The following AFF1 variants were observed in gnomAD, a reference collection of about 807,000 sequenced individuals.
AFF1 encodes ALF transcription elongation factor 1.
Under a neutral mutation model 121.7 loss-of-function variants are expected in AFF1, and 48 were observed. That is an observed-to-expected ratio of 0.39 (90% CI 0.31 to 0.50). The LOEUF is 0.50. AFF1 is among the 20% of genes least tolerant of loss of function. The probability of loss-of-function intolerance (pLI) is 0.76; values close to 1 mark genes in which losing one functional copy is unlikely to be tolerated. For synonymous variants in AFF1, 613 were observed against 563.0 expected (o/e 1.09, Z -1.26); for missense variants, 1,523 against 1,511.7 (o/e 1.01, Z -0.12).
At chr4:87,044,688 G>C (rs972207017) in intron 2 of AFF1, among the ~76,000 whole-genome samples, 1 of 152,154 alleles carries the variant, frequency 6.6e-6, no homozygotes, top group African/African-American at 2.4e-5. Flanking sequence ...GAGGTAGTTT[G>C]TAAGAGAGTC....
intron 1 of AFF1, among the ~76,000 whole-genome samples, chr4:86,940,754 T>TA (rs1720397175): frequency 6.6e-6 from 1 of 152,020 alleles, no homozygotes; most frequent in African/African-American, 2.4e-5. Context: ...AGGGAGATTT[T>TA]ATCTTTTTTT....
rs1328538441 is a variant in AFF1 at position 87,139,899 on chromosome 4, T to G, written c.*4198T>G. The G allele has an allele frequency of 4.5e-6, 1 of 220,388 alleles. No homozygotes were observed. The highest frequency in any genetic ancestry group is 2.2e-5 in the African/African-American group (1 of 44,608). 13.7% of individuals were successfully genotyped at this position (220,388 alleles called of 1,614,324 possible). Reference sequence around the variant, plus strand: ...GAGCACTGACCATGTTCTTCAGTTCTTAATTATGGTGAGTTGACAAATACC... The same window carrying G: ...GAGCACTGACCATGTTCTTCAGTTCGTAATTATGGTGAGTTGACAAATACC... On this transcript the variant is annotated 3_prime_UTR_variant, in exon 21 of 21. Transcript: ENST00000395146.
At position 87,115,250 on chromosome 4, in the gene AFF1, C is replaced by G. The variant is rs992444291; in HGVS notation, c.2417C>G (p.Ser806Cys). The change falls in exon 12 of 21, where the codon TCT (serine) becomes TGT (cysteine). Residue 806 changes from serine (S) to cysteine (C), a missense_variant. Transcript: ENST00000395146. ...KQPPAGKKHSSEKRSSDSSSK... is the reference protein window; with the variant it reads ...KQPPAGKKHSCEKRSSDSSSK... ...CCGCCCGCAGGGAAGAAGCACAGCT[C>G]TGAGAAGAGGAGCTCAGACAGCTCA... 4.3e-6 allele frequency: 7 copies of G among 1,613,728 alleles called. No homozygotes were observed. Among genetic ancestry groups the G allele is most frequent in the Non-Finnish European group, 3.4e-6 (4 of 1,179,786 alleles).
chr4:87,127,750 A>T, intron 16 of AFF1, 47 bp downstream of exon 16: 1 of 1,588,414 alleles, frequency 6.3e-7, no homozygotes, highest in Non-Finnish European at 8.6e-7. Flanking sequence ...TTCTGATAGT[A>T]AAAAAAATTT....
At chr4:86,961,947 T>C (rs1202631702) in intron 2 of AFF1, among the ~76,000 whole-genome samples, 2 of 152,158 alleles carry the variant, frequency 1.3e-5, no homozygotes, top group Non-Finnish European at 2.9e-5. Flanking sequence ...TATGAAATTG[T>C]CCTTTAAGAA....
rs764583684 is a variant in AFF1, at chr4:87,046,251, C to G, written c.124C>G (p.Pro42Ala). The G allele has an allele frequency of 1.9e-6, 3 of 1,613,748 alleles. No individual in the cohort carries two copies. In the South Asian group the frequency reaches 3.3e-5, roughly 18 times the overall value. Residue 42 changes from proline (P) to alanine (A), a missense_variant, in exon 3 of 21, where the codon CCT (proline) becomes GCT (alanine). By Grantham distance (27) the Pro-to-Ala change is conservative. Transcript: ENST00000395146. ...AGCCCACCAAGAGAAAGAGGCATTT[C>G]CTGAAAAGATTCCCCTTTTTGGAGA... ...QEAHQEKEAF[P>A]EKIPLFGEPY... is the part of the protein sequence containing the mutation.
intron 4 of AFF1, among the ~76,000 whole-genome samples, chr4:87,070,924 A>T (rs1368447466): frequency 6.6e-6 from 1 of 152,238 alleles, no homozygotes; most frequent in African/African-American, 2.4e-5. Flanking sequence ...CCCAGGAGAC[A>T]GGAATTGTTT....
chr4:86,949,947 G>T, intron 2 of AFF1: 1 of 1,614,074 alleles, frequency 6.2e-7, no homozygotes, highest in South Asian at 1.1e-5. Flanking sequence ...CGCAGGTCCC[G>T]CAGGGCCATG....
intron 4 of AFF1, among the ~76,000 whole-genome samples, chr4:87,077,544 T>C (rs1722791107): frequency 6.6e-6 from 1 of 152,184 alleles, no homozygotes; most frequent in Admixed American, 6.5e-5. Flanking sequence ...AAAAAAAGGA[T>C]ATACATTGAA....
intron 4 of AFF1, among the ~76,000 whole-genome samples, chr4:87,064,680 A>C (rs1015544723): frequency 1.3e-5 from 2 of 151,968 alleles, no homozygotes; most frequent in Non-Finnish European, 2.9e-5. Context: ...GGAATTCGAG[A>C]CCAGCCTGGG....
intron 4 of AFF1, among the ~76,000 whole-genome samples, chr4:87,056,904 AG>A (rs1317609979): frequency 6.6e-6 from 1 of 152,200 alleles, no homozygotes; most frequent in African/African-American, 2.4e-5. Flanking sequence ...CCCATGTGGT[AG>A]GGTACTGTTA....
At chr4:86,943,253 T>A (rs777830949) in intron 1 of AFF1, among the ~76,000 whole-genome samples, 14 of 152,164 alleles carry the variant, frequency 9.2e-5, no homozygotes, top group African/African-American at 3.4e-4. Flanking sequence ...CCATGTGCAT[T>A]GGAGAGCCTA....
chr4:87,087,014 T>G (rs1284677212), intron 5 of AFF1, among the ~76,000 whole-genome samples: 1 of 152,168 alleles, frequency 6.6e-6, no homozygotes, highest in Admixed American at 6.5e-5. Context: ...CAGGGAATGG[T>G]CATGCACTAG....
chr4:87,047,497 C>G lies in AFF1; in HGVS notation c.962C>G (p.Pro321Arg), dbSNP rs376264037. 6.2e-7 allele frequency: 1 copy of G among 1,614,140 alleles called. No homozygotes were observed. The highest frequency in any genetic ancestry group is 8.5e-7 in the Non-Finnish European group (1 of 1,180,020). The change falls in exon 4 of 21, where the codon CCG becomes CGG. Residue 321 changes from proline to arginine, a missense_variant. Transcript: ENST00000395146. ...PSESPELKPL[P>R]EDYRQQTFEK... ...GAATCCCCTGAACTGAAACCACTGC[C>G]GGAGGACTATCGACAGCAGACCTTT...
intron 19 of AFF1, among the ~76,000 whole-genome samples, chr4:87,132,627 TAAA>T (rs887610740): frequency 6.6e-6 from 1 of 152,206 alleles, no homozygotes; most frequent in Non-Finnish European, 1.5e-5. Context: ...TTGGAAAACA[TAAA>T]AAGGTAATTG....
In AFF1 at chr4:87,013,032, C is replaced by CTTTTTTTTTTT. The variant is rs61071328; in HGVS notation, c.39-33118_39-33108dup. On this transcript the variant is annotated intron_variant, in intron 2 of 20. Coordinates refer to ENST00000395146, the MANE Select transcript of AFF1 (RefSeq NM_001166693.3). ...AACCAGATTGAACTGCTATCAAGTT[C>CTTTTTTTTTTT]TTTTTTTTTTTTTTTTTTTTTTTTT... 9.9e-4 allele frequency among the ~76,000 whole-genome samples: 93 copies of CTTTTTTTTTTT among 93,484 alleles called. 9 individuals are homozygous for CTTTTTTTTTTT. Among genetic ancestry groups the CTTTTTTTTTTT allele is most frequent in the Middle Eastern group, 7.6e-3 (1 of 132 alleles). The allele number at this position is 93,484 out of a possible 152,430, so 61.3% of individuals were successfully genotyped here. A position where few individuals can be genotyped will look rare whatever the true frequency, so the allele number is the denominator to read the frequency against.
intron 2 of AFF1, among the ~76,000 whole-genome samples, chr4:86,989,956 C>A (rs971022440): frequency 6.6e-6 from 1 of 152,108 alleles, no homozygotes; most frequent in Non-Finnish European, 1.5e-5. Flanking sequence ...TGTTCTCACT[C>A]ATCAGTGGGA....
At chr4:87,022,135 G>A (rs1431469297) in intron 2 of AFF1, among the ~76,000 whole-genome samples, 3 of 149,950 alleles carry the variant, frequency 2.0e-5, no homozygotes, top group East Asian at 3.9e-4. Context: ...AACCTGGGAG[G>A]CAGAGGTTTC....
chr4:87,105,834 T>C lies in AFF1; in HGVS notation c.1365T>C (p.Ser455=), dbSNP rs780913974. 3.7e-6 allele frequency: 6 copies of C among 1,614,198 alleles called. No homozygotes were observed. In the East Asian group the frequency reaches 1.3e-4, roughly 36 times the overall value. ...CCCCAGAGAAGCCTCCCTCCTCATC[T>C]GCACCTCCAAGGTACCGTGTGGGTT... ...EQTPEKPPSS[S]APPSAPQSLP... The change falls in exon 10 of 21, where the codon TCT becomes TCC. Residue 455 remains serine (S), a synonymous_variant. Coordinates refer to ENST00000395146, the MANE Select transcript of AFF1 (RefSeq NM_001166693.3).
Sources: allele counts gnomAD v4.1 joint callset (sites outside exome capture counted in the v4.1 genomes callset), GRCh38; gene constraint gnomAD v4.1.1; transcripts MANE v1.5; gene names NCBI Gene and HGNC (gene_info 2026-07-23, HGNC 2026-07-21).